Variants in DPP10 observed in about 807,000 individuals in gnomAD.
DPP10 encodes inactive dipeptidyl peptidase 10.
DPP10 carries 33 observed loss-of-function variants against 120.9 expected under a neutral mutation model. That is an observed-to-expected ratio of 0.27 (90% CI 0.21 to 0.37). The LOEUF (loss-of-function observed/expected upper bound fraction) is 0.37, where lower values mean the gene tolerates loss of function less well. Ranked by LOEUF, DPP10 falls within the 10% of genes least tolerant of loss-of-function variation. The pLI, the probability that DPP10 is intolerant of heterozygous loss-of-function variation, is 1.00. For synonymous variants in DPP10, 337 were observed against 326.1 expected (o/e 1.03, Z -0.36); for missense variants, 816 against 942.8 (o/e 0.87, Z 1.76).
intron 2 of DPP10, among the ~76,000 whole-genome samples, chr2:115,313,935 A>G (rs1424375359): frequency 1.3e-5 from 2 of 152,120 alleles, no homozygotes; most frequent in Admixed American, 1.3e-4. Context: ...ACCCACGTTT[A>G]TTTTGAGAAT....
At chr2:114,607,712 T>G (rs1328571228) in intron 1 of DPP10, among the ~76,000 whole-genome samples, 1 of 152,170 alleles carries the variant, frequency 6.6e-6, no homozygotes, top group Non-Finnish European at 1.5e-5. Flanking sequence ...GGGAAACACC[T>G]TTTCTTCTTT....
At chr2:115,071,032 G>T (rs369993021) in intron 1 of DPP10, among the ~76,000 whole-genome samples, 1 of 152,066 alleles carries the variant, frequency 6.6e-6, no homozygotes, top group African/African-American at 2.4e-5. Context: ...TTGTAATGTT[G>T]CAATTAAATG....
intron 1 of DPP10, among the ~76,000 whole-genome samples, chr2:114,526,447 T>C (rs975814593): frequency 6.6e-6 from 1 of 152,140 alleles, no homozygotes; most frequent in Non-Finnish European, 1.5e-5. Context: ...GGATCAGACA[T>C]TACAAAACAA....
At chr2:114,638,857 T>A (rs897227341) in intron 1 of DPP10, among the ~76,000 whole-genome samples, 3 of 151,882 alleles carry the variant, frequency 2.0e-5, no homozygotes, top group Non-Finnish European at 4.4e-5. Flanking sequence ...CGTAGCACTA[T>A]TTACAATAGC....
chr2:114,797,452 C>T (rs1395255930), intron 1 of DPP10, among the ~76,000 whole-genome samples: 2 of 152,136 alleles, frequency 1.3e-5, no homozygotes, highest in African/African-American at 2.4e-5. Context: ...TTTTAAATGA[C>T]AGTCAGCATT....
chr2:115,589,172 C>T (rs573396224), intron 5 of DPP10, among the ~76,000 whole-genome samples: 6 of 152,136 alleles, frequency 3.9e-5, no homozygotes, highest in African/African-American at 7.2e-5. Flanking sequence ...TTAGTAACCA[C>T]GAAACTCCTG....
chr2:115,033,606 A>G, intron 1 of DPP10, among the ~76,000 whole-genome samples: 1 of 152,232 alleles, frequency 6.6e-6, no homozygotes, highest in Non-Finnish European at 1.5e-5. Flanking sequence ...AAAATAGAGT[A>G]ATAAATTTCT....
chr2:115,169,810 G>T (rs1043135244), intron 1 of DPP10, among the ~76,000 whole-genome samples: 5 of 152,132 alleles, frequency 3.3e-5, no homozygotes, highest in Non-Finnish European at 7.4e-5. Context: ...AATTCGTCAT[G>T]CTTACTGGTT....
At chr2:115,087,923 C>T (rs7595736) in intron 1 of DPP10, among the ~76,000 whole-genome samples, 120,743 of 152,048 alleles carry the variant, frequency 0.79, 48,674 homozygotes, top group Non-Finnish European at 0.88. Flanking sequence ...TGATTTGAGC[C>T]GCTGTAACAA....
At chr2:115,186,764 T>C (rs912701570) in intron 1 of DPP10, among the ~76,000 whole-genome samples, 10 of 152,282 alleles carry the variant, frequency 6.6e-5, no homozygotes, top group Non-Finnish European at 1.2e-4. Flanking sequence ...ATTGTTGTCC[T>C]TGTAGGATAT....
intron 5 of DPP10, among the ~76,000 whole-genome samples, chr2:115,652,548 ATC>A (rs1369725962): frequency 6.6e-6 from 1 of 151,634 alleles, no homozygotes; most frequent in African/African-American, 2.4e-5. Flanking sequence ...AAGTTTCAGG[ATC>A]TGTAGTTGGC....
At chr2:115,827,705 C>T (rs1161313084) in intron 21 of DPP10, among the ~76,000 whole-genome samples, 3 of 151,584 alleles carry the variant, frequency 2.0e-5, no homozygotes, top group Non-Finnish European at 4.4e-5. Context: ...AAGCGATTCT[C>T]CTGCCTCAGC....
intron 1 of DPP10, among the ~76,000 whole-genome samples, chr2:114,454,993 C>T: frequency 6.6e-6 from 1 of 152,096 alleles, no homozygotes; most frequent in Non-Finnish European, 1.5e-5. Context: ...GAAGGCCATC[C>T]AATGTGGGGA....
chr2:114,782,897 C>CT (rs1344946752), intron 1 of DPP10, among the ~76,000 whole-genome samples: 4 of 152,022 alleles, frequency 2.6e-5, no homozygotes, highest in Non-Finnish European at 4.4e-5. Flanking sequence ...CACTCCTCAG[C>CT]TTTTTGTTAC....
At chr2:114,628,705 C>T (rs192802171) in intron 1 of DPP10, among the ~76,000 whole-genome samples, 45 of 152,114 alleles carry the variant, frequency 3.0e-4, no homozygotes, top group Admixed American at 2.5e-3. Flanking sequence ...ATCTGAACGG[C>T]GGGGGAAAGC....
chr2:115,506,180 A>G (rs948826194), intron 4 of DPP10, among the ~76,000 whole-genome samples: 1 of 152,112 alleles, frequency 6.6e-6, no homozygotes. Flanking sequence ...GCGTTGCCAA[A>G]ACTTCTGCAG....
chr2:114,828,376 ATT>A (rs1261627223), intron 1 of DPP10: 6 of 152,336 alleles, frequency 3.9e-5, no homozygotes, highest in African/African-American at 1.4e-4. Context: ...CTTTTTTATC[ATT>A]GTTAGATATA....
chr2:115,385,046 C>A (rs1446858666), intron 3 of DPP10, among the ~76,000 whole-genome samples: 1 of 152,186 alleles, frequency 6.6e-6, no homozygotes, highest in African/African-American at 2.4e-5. Context: ...AAGTGCCTTT[C>A]ACCTCCTGCC....
At chr2:115,308,244 G>A (rs1173831834) in intron 1 of DPP10, among the ~76,000 whole-genome samples, 4 of 151,976 alleles carry the variant, frequency 2.6e-5, no homozygotes, top group East Asian at 3.9e-4. Context: ...ACAACAAAGC[G>A]GCTCTACGGC....
Sources: allele counts gnomAD v4.1 joint callset (sites outside exome capture counted in the v4.1 genomes callset), GRCh38; gene constraint gnomAD v4.1.1; transcripts MANE v1.5; gene names NCBI Gene and HGNC (gene_info 2026-07-23, HGNC 2026-07-21).